The following SPSB1 variants were observed in gnomAD, a reference collection of about 807,000 sequenced individuals.
The protein encoded by SPSB1 is splA/ryanodine receptor domain and SOCS box containing 1.
Under a neutral mutation model 21.2 loss-of-function variants are expected in SPSB1, and 8 were observed. The observed-to-expected ratio is 0.38, with a 90% CI of 0.22 to 0.68. SPSB1 has a LOEUF of 0.68. SPSB1 is among the 30% of genes least tolerant of loss of function. SPSB1 has a pLI of 0.53. For missense variants in SPSB1, 242 were observed against 377.8 expected, an observed-to-expected ratio of 0.64 and a Z score of 2.98; for synonymous variants, 169 against 161.7, an observed-to-expected ratio of 1.05 and a Z score of -0.34.
rs1640625777 is a variant in SPSB1 at position 9,369,300 on chromosome 1, CT to C, written c.*1727del. Reference sequence around the variant, plus strand: ...GGGTCACATTCTGATGAATGTTTCCCTTGTACAGATCCCAGCTTATGGCCTT... The same window carrying C: ...GGGTCACATTCTGATGAATGTTTCCCTGTACAGATCCCAGCTTATGGCCTT... On this transcript the variant is annotated 3_prime_UTR_variant, in exon 3 of 3. Coordinates refer to ENST00000328089, the MANE Select transcript of SPSB1 (RefSeq NM_025106.4). 6.6e-6 allele frequency: 1 copy of C among 151,960 alleles called. No homozygotes were observed. Among genetic ancestry groups the C allele is most frequent in the Non-Finnish European group, 1.5e-5 (1 of 67,996 alleles). The allele number at this position is 151,960 out of a possible 1,614,324, so 9.4% of individuals were successfully genotyped here.
At chr1:9,299,487 T>C (rs1639289652) in intron 1 of SPSB1, among the ~76,000 whole-genome samples, 1 of 152,072 alleles carries the variant, frequency 6.6e-6, no homozygotes, top group Non-Finnish European at 1.5e-5. Flanking sequence ...TCTCTCTCTC[T>C]CTTTTTTTGA....
At chr1:9,364,313 AC>A (rs1252195225) in intron 2 of SPSB1, among the ~76,000 whole-genome samples, 1 of 152,234 alleles carries the variant, frequency 6.6e-6, no homozygotes. Flanking sequence ...TGTGCAGAAG[AC>A]CTACTCCCGA....
chr1:9,319,154 C>T (rs1639664216), intron 1 of SPSB1, among the ~76,000 whole-genome samples: 2 of 152,062 alleles, frequency 1.3e-5, no homozygotes, highest in South Asian at 4.1e-4. Context: ...GCACTCTAGC[C>T]TGGGCAACAG....
chr1:9,356,041 C>T lies in SPSB1; in HGVS notation c.150C>T (p.Val50=), dbSNP rs377405031. Reference sequence around the variant, plus strand: ...ACATGCCCCCTGTGTCCTATGATGTCCAGCTGCTGCATTCATGGAACAACA... The same window carrying T: ...ACATGCCCCCTGTGTCCTATGATGTTCAGCTGCTGCATTCATGGAACAACA... ...LLDMPPVSYD[V]QLLHSWNNND... is the part of the protein sequence containing the mutation. The change falls in exon 2 of 3, where the codon GTC becomes GTT. Residue 50 remains valine (V), a synonymous_variant. Coordinates refer to ENST00000328089, the MANE Select transcript of SPSB1 (RefSeq NM_025106.4). The surrounding 1 kb of genome is among the most constrained non-coding windows in gnomAD (Gnocchi z 7.4). 1 of 1,614,132 alleles carries T rather than the reference C, an allele frequency of 6.2e-7. No individual in the cohort carries two copies. Among genetic ancestry groups the T allele is most frequent in the Non-Finnish European group, 8.5e-7 (1 of 1,179,998 alleles).
At chr1:9,312,051 A>G (rs1639529613) in intron 1 of SPSB1, among the ~76,000 whole-genome samples, 1 of 151,980 alleles carries the variant, frequency 6.6e-6, no homozygotes, top group Non-Finnish European at 1.5e-5. Flanking sequence ...TGGCGTGATC[A>G]TAGCTCACTG....
intron 1 of SPSB1, among the ~76,000 whole-genome samples, chr1:9,349,778 G>C (rs540581077): frequency 6.6e-6 from 1 of 152,242 alleles, no homozygotes; most frequent in South Asian, 2.1e-4. Context: ...CCGTTTTATG[G>C]CTGTTTTTCT....
In SPSB1 at chr1:9,305,987, T is replaced by C. The variant is rs1433920459; in HGVS notation, c.-150+12916T>C. 1.2e-4 allele frequency among the ~76,000 whole-genome samples: 19 copies of C among 152,044 alleles called. 1 individual carries two copies. The highest frequency in any genetic ancestry group is 1.2e-3 in the Admixed American group (19 of 15,266). On this transcript the variant is annotated intron_variant, in intron 1 of 2. Transcript: ENST00000328089. This position sits in a 1 kb window ranked among gnomAD's most constrained non-coding sequence, Gnocchi z 4.8. ...CACAGACCTGGGGACATTTGTGCAA[T>C]TGCGAGTAACGTGGGAGAGGGGTTC...
At chr1:9,325,225 A>ACCCCCCCCCCCCCCCCC (rs33978312) in intron 1 of SPSB1, among the ~76,000 whole-genome samples, 3 of 133,706 alleles carry the variant, frequency 2.2e-5, no homozygotes, top group South Asian at 2.3e-4. Flanking sequence ...TCCCACCACC[A>ACCCCCCCCCCCCCCCCC]CCCCCCCCCC....
Position 9,321,361 on chromosome 1 carries a change from G to A in SPSB1, c.-150+28290G>A, listed in dbSNP as rs1048107388. Among the ~76,000 whole-genome samples, 3 of 152,158 alleles carry A rather than the reference G, an allele frequency of 2.0e-5. 1 individual carries two copies. The highest frequency in any genetic ancestry group is 4.4e-5 in the Non-Finnish European group (3 of 68,020). ...GGAGCTCTAGACAGCCCGATGGCAGGGGGTGGGCTCCGAGCTCCAGGGCCC... is the reference window on the plus strand; with the variant it reads ...GGAGCTCTAGACAGCCCGATGGCAGAGGGTGGGCTCCGAGCTCCAGGGCCC... On this transcript the variant is annotated intron_variant, in intron 1 of 2. Coordinates refer to ENST00000328089, the MANE Select transcript of SPSB1 (RefSeq NM_025106.4). The surrounding 1 kb of genome is among the most constrained non-coding windows in gnomAD (Gnocchi z 4.8).
chr1:9,344,905 C>T (rs554432930), intron 1 of SPSB1, among the ~76,000 whole-genome samples: 5 of 152,182 alleles, frequency 3.3e-5, no homozygotes, highest in Non-Finnish European at 7.4e-5. Flanking sequence ...CCAGAGGTGA[C>T]CTTTGCCAGC....
At position 9,363,680 on chromosome 1, in the gene SPSB1, G is replaced by C. The variant is rs1209483265; in HGVS notation, c.695-3768G>C. On this transcript the variant is annotated intron_variant, in intron 2 of 2. Transcript: ENST00000328089. The surrounding 1 kb of genome is among the most constrained non-coding windows in gnomAD (Gnocchi z 4.5). ...GCACTGGATGGAGCTGGGGGCTCAT[G>C]TGGGCCTCTGCAGTTTTAGAAAATT... Among the ~76,000 whole-genome samples, 1 of 152,082 alleles carries C rather than the reference G, an allele frequency of 6.6e-6. No homozygotes were observed. Among genetic ancestry groups the C allele is most frequent in the Non-Finnish European group, 1.5e-5 (1 of 68,024 alleles).
chr1:9,360,972 G>C (rs770284330), intron 2 of SPSB1, among the ~76,000 whole-genome samples: 1 of 152,044 alleles, frequency 6.6e-6, no homozygotes, highest in Non-Finnish European at 1.5e-5. Flanking sequence ...CACCCCTACC[G>C]ATGCTGGGGT....
At chr1:9,339,064 T>A (rs1053574759) in intron 1 of SPSB1, among the ~76,000 whole-genome samples, 1 of 152,128 alleles carries the variant, frequency 6.6e-6, no homozygotes, top group African/African-American at 2.4e-5. Flanking sequence ...CCGCTTCCCC[T>A]TGGAGACGGT....
At chr1:9,306,954 A>T (rs1250407916) in intron 1 of SPSB1, among the ~76,000 whole-genome samples, 3 of 144,870 alleles carry the variant, frequency 2.1e-5, no homozygotes, top group Non-Finnish European at 3.0e-5. Flanking sequence ...TTTAAGTGGA[A>T]TCTCGCTCTG....
At chr1:9,302,807 G>T (rs1639356159) in intron 1 of SPSB1, among the ~76,000 whole-genome samples, 1 of 152,136 alleles carries the variant, frequency 6.6e-6, no homozygotes, top group African/African-American at 2.4e-5. Context: ...TCCAATATAT[G>T]GTGCTGGTTT....
chr1:9,319,937 G>A lies in SPSB1; in HGVS notation c.-150+26866G>A, dbSNP rs138999340. ...CAGACCTCCTGGGAGGACCATAGCC[G>A]GCCCCTGAGCTGGCCACCTGCAGGC... is the stretch of plus-strand genomic sequence containing the variant. On this transcript the variant is annotated intron_variant, in intron 1 of 2. Coordinates refer to ENST00000328089, the MANE Select transcript of SPSB1 (RefSeq NM_025106.4). Among the ~76,000 whole-genome samples, 141 of 152,214 alleles carry A rather than the reference G, an allele frequency of 9.3e-4. 2 individuals are homozygous for A. In the East Asian group the frequency reaches 0.024, roughly 26 times the overall value.
In SPSB1 at chr1:9,321,661, A is replaced by T. The variant is rs571372479; in HGVS notation, c.-150+28590A>T. ...GACCGTGAGCTTCACCTTTAAATAA[A>T]AAAAAAAATGCTGCTGATTGTCACT... On this transcript the variant is annotated intron_variant, in intron 1 of 2. Coordinates refer to ENST00000328089, the MANE Select transcript of SPSB1 (RefSeq NM_025106.4). This position sits in a 1 kb window ranked among gnomAD's most constrained non-coding sequence, Gnocchi z 4.8. Among the ~76,000 whole-genome samples, 51 of 152,234 alleles carry T rather than the reference A, an allele frequency of 3.4e-4. No homozygotes were observed. Among genetic ancestry groups the T allele is most frequent in the African/African-American group, 1.2e-3 (49 of 41,544 alleles).
rs12097920 is a variant in SPSB1 at position 9,334,955 on chromosome 1, C to T, written c.-149-20788C>T. Among the ~76,000 whole-genome samples the T allele has an allele frequency of 7.5e-3, 1,145 of 152,244 alleles. 9 individuals carry two copies. The highest frequency in any genetic ancestry group is 0.026 in the African/African-American group (1,087 of 41,532). On this transcript the variant is annotated intron_variant, in intron 1 of 2. Transcript: ENST00000328089. ...TTCTTTGTTCATCTGTCCGTGGACG[C>T]GGGTTGCTTGCACCTTTTGGCCATT...
At chr1:9,341,375 A>G (rs1204423932) in intron 1 of SPSB1, among the ~76,000 whole-genome samples, 1 of 152,108 alleles carries the variant, frequency 6.6e-6, no homozygotes, top group African/African-American at 2.4e-5. Flanking sequence ...GCTTGCACTC[A>G]TTGTTCAGAT....
Sources: allele counts gnomAD v4.1 joint callset (sites outside exome capture counted in the v4.1 genomes callset), GRCh38; gene constraint gnomAD v4.1.1; non-coding constraint Gnocchi (gnomAD v3.1); transcripts MANE v1.5; gene names NCBI Gene and HGNC (gene_info 2026-07-23, HGNC 2026-07-21).